Variants in GOLGA1 observed in about 807,000 individuals in gnomAD.
The protein encoded by GOLGA1 is golgin A1, also known as golgin subfamily A member 1.
In GOLGA1, 63 loss-of-function variants were observed where a neutral mutation model predicts 119.7. That is an observed-to-expected ratio of 0.53 (90% CI 0.43 to 0.65). GOLGA1 has a LOEUF of 0.65. GOLGA1 is among the 30% of genes least tolerant of loss of function. The probability of loss-of-function intolerance (pLI) is 0.00; values close to 1 mark genes in which losing one functional copy is unlikely to be tolerated. For synonymous variants in GOLGA1, 318 were observed against 333.4 expected (o/e 0.95, Z 0.50); for missense variants, 798 against 912.8 (o/e 0.87, Z 1.62).
At chr9:124,926,134 C>T (rs1830667631) in intron 7 of GOLGA1, among the ~76,000 whole-genome samples, 2 of 152,100 alleles carry the variant, frequency 1.3e-5, no homozygotes, top group African/African-American at 2.4e-5. Flanking sequence ...AATAAAGGGG[C>T]TTATCAAAGC....
intron 1 of GOLGA1, chr9:124,947,314 C>T (rs1013607548): frequency 6.6e-6 from 1 of 152,146 alleles, no homozygotes; most frequent in Non-Finnish European, 1.5e-5. Flanking sequence ...CTCAGTTTCA[C>T]ATACTTAGGT....
upstream of GOLGA1, chr9:124,948,030 A>G (rs1043419457): frequency 6.6e-6 from 1 of 152,204 alleles, no homozygotes; most frequent in Non-Finnish European, 1.5e-5. Flanking sequence ...GAAAGTTACT[A>G]TATCACACAT....
chr9:124,935,694 G>C (rs1830849543), intron 3 of GOLGA1, among the ~76,000 whole-genome samples: 1 of 150,716 alleles, frequency 6.6e-6, no homozygotes. Flanking sequence ...CTACTTGGGA[G>C]GCTGAGTGAG....
chr9:124,925,221 AT>A (rs143446289), intron 7 of GOLGA1, among the ~76,000 whole-genome samples: 1,722 of 152,310 alleles, frequency 0.011, 87 homozygotes, highest in Admixed American at 0.083. Flanking sequence ...CTTTACCAAA[AT>A]TTTAAAAGAT....
Position 124,908,400 on chromosome 9 carries a change from C to T in GOLGA1, c.1042G>A (p.Ala348Thr), listed in dbSNP as rs776379666. 6.2e-7 allele frequency: 1 copy of T among 1,606,040 alleles called. No homozygotes were observed. Among genetic ancestry groups the T allele is most frequent in the Admixed American group, 1.7e-5 (1 of 60,022 alleles). The change falls in exon 12 of 23, where the codon GCC becomes ACC. Residue 348 changes from alanine to threonine, a missense_variant. Transcript: ENST00000373555. Reference sequence around the variant, plus strand: ...ACCCGAGTCTCCAGGGTGTTAATGGCCTTAGCCTGGCTGCTTCTGGCTGCC... The same window carrying T: ...ACCCGAGTCTCCAGGGTGTTAATGGTCTTAGCCTGGCTGCTTCTGGCTGCC... Reference protein sequence around the residue: ...LLAARSSQAKAINTLETRVRE... With the variant: ...LLAARSSQAKTINTLETRVRE...
Position 124,924,294 on chromosome 9 carries a change from G to GA in GOLGA1, c.433-1072dup, listed in dbSNP as rs758523527. Among the ~76,000 whole-genome samples, 21 of 150,908 alleles carry GA rather than the reference G, an allele frequency of 1.4e-4. 1 individual carries two copies. The East Asian group carries it at 3.5e-3, about 25-fold the overall frequency. ...ATTTCAGTTAACAAGCTAAAAAAAA[G>GA]AAAAAAAAATTAGACATGACTGGTG... On this transcript the variant is annotated intron_variant, in intron 7 of 22. Coordinates refer to ENST00000373555, the MANE Select transcript of GOLGA1 (RefSeq NM_002077.4).
chr9:124,883,811 C>T (rs1829649079), intron 19 of GOLGA1, among the ~76,000 whole-genome samples: 3 of 151,950 alleles, frequency 2.0e-5, no homozygotes, highest in African/African-American at 7.3e-5. Context: ...AGTCTTTGAA[C>T]TCCTGGGCTC....
chr9:124,912,713 T>C (rs1366970944), intron 10 of GOLGA1, among the ~76,000 whole-genome samples: 1 of 152,150 alleles, frequency 6.6e-6, no homozygotes, highest in East Asian at 1.9e-4. Context: ...CGGCTAATTT[T>C]TTGTATTTTT....
intron 7 of GOLGA1, among the ~76,000 whole-genome samples, chr9:124,926,156 TA>T (rs1830668316): frequency 6.6e-6 from 1 of 152,062 alleles, no homozygotes; most frequent in Non-Finnish European, 1.5e-5. Context: ...GTGGGATGGG[TA>T]AGATAGCCCA....
In GOLGA1 at chr9:124,889,227, C is replaced by T; in HGVS notation, c.1677G>A (p.Glu559=). ...CCTCCTGCTCCGCGACCACTGCAGCCTCCTCCGCCTTGAGGGTCCTCAGGG... is the reference window on the plus strand; with the variant it reads ...CCTCCTGCTCCGCGACCACTGCAGCTTCCTCCGCCTTGAGGGTCCTCAGGG... ...LEALRTLKAE[E]AAVVAEQEDL... is the part of the protein sequence containing the mutation. Residue 559 remains glutamate, a synonymous_variant, in exon 18 of 23, where the codon GAG becomes GAA. Transcript: ENST00000373555. 7 of 1,613,702 alleles carry T rather than the reference C, an allele frequency of 4.3e-6. No individual in the cohort carries two copies. The highest frequency in any genetic ancestry group is 1.1e-5 in the South Asian group (1 of 91,066).
At chr9:124,899,639 T>C (rs1588069336) in intron 13 of GOLGA1, among the ~76,000 whole-genome samples, 161 bp from the exon 14 acceptor site, 1 of 151,974 alleles carries the variant, frequency 6.6e-6, no homozygotes, top group Non-Finnish European at 1.5e-5. Context: ...GCTCTGCCTG[T>C]TGCTCCTGGA....
In GOLGA1 at chr9:124,881,880, G is replaced by A. The variant is rs779786911; in HGVS notation, c.2040C>T (p.Ser680=). ...CTGTCAGGTCAGTGTTATTCGTGAC[G>A]GAAGGCGCCATGTTTGCCATCTCAG... ...PGPEMANMAP[S]VTNNTDLTDA... is the part of the protein sequence containing the mutation. Residue 680 remains serine (S), a synonymous_variant, in exon 21 of 23, where the codon TCC becomes TCT. Coordinates refer to ENST00000373555, the MANE Select transcript of GOLGA1 (RefSeq NM_002077.4). This position sits in a 1 kb window ranked among gnomAD's most constrained non-coding sequence, Gnocchi z 4.9. 25 of 1,611,628 alleles carry A rather than the reference G, an allele frequency of 1.6e-5. No homozygotes were observed. The highest frequency in any genetic ancestry group is 2.2e-5 in the East Asian group (1 of 44,858).
chr9:124,890,320 C>T (rs1026171722), intron 16 of GOLGA1, 69 bp downstream of exon 16: 86 of 1,059,598 alleles, frequency 8.1e-5, no homozygotes, highest in Non-Finnish European at 1.0e-4. Context: ...AACAGTCTCA[C>T]GGCAGGATGG....
In GOLGA1 at chr9:124,920,295, T is replaced by G. The variant is rs964147834; in HGVS notation, c.843+834A>C. 4.6e-4 allele frequency among the ~76,000 whole-genome samples: 66 copies of G among 143,264 alleles called. 1 individual carries two copies. Among genetic ancestry groups the G allele is most frequent in the Non-Finnish European group, 1.2e-4 (8 of 65,326 alleles). The allele number at this position is 143,264 out of a possible 152,430, so 94.0% of individuals were successfully genotyped here. A position where few individuals can be genotyped will look rare whatever the true frequency, so the allele number is the denominator to read the frequency against. On this transcript the variant is annotated intron_variant, in intron 10 of 22. Coordinates refer to ENST00000373555, the MANE Select transcript of GOLGA1 (RefSeq NM_002077.4). ...CCACCACAACTGGCTAATTTTTTTT[T>G]TTTTTTTTGGTAGAGATGGGGTCAA... is the stretch of plus-strand genomic sequence containing the variant.
intron 15 of GOLGA1, among the ~76,000 whole-genome samples, chr9:124,895,512 A>T (rs965276514): frequency 7.3e-6 from 1 of 136,840 alleles, no homozygotes; most frequent in African/African-American, 2.8e-5. Flanking sequence ...CACAACAGAG[A>T]CCCTCCACAA....
chr9:124,909,131 G>A (rs1588077921), intron 11 of GOLGA1, among the ~76,000 whole-genome samples: 1 of 152,040 alleles, frequency 6.6e-6, no homozygotes, highest in East Asian at 1.9e-4. Flanking sequence ...CTAACGTGGT[G>A]AAATCCCATC....
chr9:124,885,691 T>A (rs1588055342), intron 19 of GOLGA1, among the ~76,000 whole-genome samples: 1 of 151,706 alleles, frequency 6.6e-6, no homozygotes, highest in East Asian at 1.9e-4. Flanking sequence ...GGTTGGAGGG[T>A]ACTTGATGGG....
chr9:124,883,872 G>A (rs1174644885), intron 19 of GOLGA1, among the ~76,000 whole-genome samples: 1 of 151,382 alleles, frequency 6.6e-6, no homozygotes, highest in Admixed American at 6.6e-5. Flanking sequence ...ACAGCTGTGC[G>A]CCACCACGCC....
chr9:124,923,161 T>C lies in GOLGA1; in HGVS notation c.495A>G (p.Gln165=), dbSNP rs369623706. Residue 165 remains glutamine (Q), a synonymous_variant, in exon 8 of 23, where the codon CAA becomes CAG. Transcript: ENST00000373555. The part of the protein sequence containing the change: ...EMKNQSMNLF[Q]RRDEMDELEG... ...CTAATTCATCCATTTCATCTCTCCT[T>C]TGGAAAAGATTCATACTCTGGTTCT... The C allele has an allele frequency of 6.2e-6, 10 of 1,600,368 alleles. No individual in the cohort carries two copies. The African/African-American group carries it at 1.2e-4, about 19-fold the overall frequency.
Sources: allele counts gnomAD v4.1 joint callset (sites outside exome capture counted in the v4.1 genomes callset), GRCh38; gene constraint gnomAD v4.1.1; non-coding constraint Gnocchi (gnomAD v3.1); transcripts MANE v1.5; gene names NCBI Gene and HGNC (gene_info 2026-07-23, HGNC 2026-07-21).